Variants in ABCC5 observed in about 807,000 individuals in gnomAD.
The protein encoded by ABCC5 is ATP-binding cassette sub-family C member 5.
A neutral mutation model predicts 160.9 loss-of-function variants in ABCC5; 61 were observed. The observed-to-expected ratio is 0.38, with a 90% confidence interval of 0.31 to 0.47. The LOEUF (loss-of-function observed/expected upper bound fraction) is 0.47, where lower values mean the gene tolerates loss of function less well. Ranked by LOEUF, ABCC5 falls within the 20% of genes least tolerant of loss-of-function variation. The pLI is 0.99. For synonymous variants in ABCC5, 666 were observed against 700.6 expected, an observed-to-expected ratio of 0.95 and a Z score of 0.78; for missense variants, 1,308 against 1,813.3, an observed-to-expected ratio of 0.72 and a Z score of 5.06.
intron 9 of ABCC5, 105 bp from the exon 10 acceptor site, chr3:183,977,729 C>T (rs189496865): frequency 3.7e-5 from 27 of 720,372 alleles, no homozygotes; most frequent in Middle Eastern, 2.4e-4. Flanking sequence ...TGCAACTTCA[C>T]GGTCAGCTGT....
At chr3:183,992,758 C>T (rs566376101) in intron 2 of ABCC5, among the ~76,000 whole-genome samples, 1 of 151,478 alleles carries the variant, frequency 6.6e-6, no homozygotes, top group Non-Finnish European at 1.5e-5. Flanking sequence ...CACTGCACTC[C>T]GGCCTGAGCG....
chr3:183,994,999 G>A (rs1720146431), intron 2 of ABCC5, among the ~76,000 whole-genome samples: 1 of 151,370 alleles, frequency 6.6e-6, no homozygotes, highest in African/African-American at 2.4e-5. Flanking sequence ...CTACGGGCAC[G>A]TGCTACCACA....
intron 9 of ABCC5, 71 bp from the exon 10 acceptor site, chr3:183,977,695 T>C (rs1226948764): frequency 1.9e-6 from 2 of 1,058,284 alleles, no homozygotes; most frequent in Non-Finnish European, 2.8e-6. Flanking sequence ...ACACCATGAA[T>C]TTCCTCTCAG....
rs1412254092 is a variant in ABCC5 at position 184,017,259 on chromosome 3, G to A, written c.-56+571C>T. 1 of 152,298 alleles carries A rather than the reference G, an allele frequency of 6.6e-6. No homozygotes were observed. Among genetic ancestry groups the A allele is most frequent in the Non-Finnish European group, 1.5e-5 (1 of 68,110 alleles). 9.4% of individuals were successfully genotyped at this position (152,298 alleles called of 1,614,324 possible). The stretch of plus-strand genomic sequence containing the variant: ...ACTGGATGACCGTGGAGAGATCTGG[G>A]CTGCGTTCCCGGCACAGCCACGGCT... On this transcript the variant is annotated intron_variant, in intron 1 of 29. Coordinates refer to ENST00000334444, the MANE Select transcript of ABCC5 (RefSeq NM_005688.4). The surrounding 1 kb of genome is among the most constrained non-coding windows in gnomAD (Gnocchi z 4.5).
At chr3:183,956,850 A>G (rs1577522050) in intron 17 of ABCC5, among the ~76,000 whole-genome samples, 2 of 32,424 alleles carry the variant, frequency 6.2e-5, no homozygotes, top group Non-Finnish European at 1.0e-4. Flanking sequence ...GGTTACATGC[A>G]GATCCGTGTG....
At chr3:183,959,667 T>C (rs1470383197) in intron 17 of ABCC5, 66 bp downstream of exon 17, 4 of 1,187,072 alleles carry the variant, frequency 3.4e-6, no homozygotes, top group African/African-American at 1.5e-5. Context: ...CATGAATTAC[T>C]TACTACACAA....
At chr3:183,991,788 G>T (rs1438295020) in intron 2 of ABCC5, among the ~76,000 whole-genome samples, 2 of 152,178 alleles carry the variant, frequency 1.3e-5, no homozygotes, top group Non-Finnish European at 2.9e-5. Flanking sequence ...ATGAGCTGAG[G>T]ACTGCTGAGA....
chr3:183,966,910 C>T (rs538164189), intron 12 of ABCC5, among the ~76,000 whole-genome samples: 1 of 152,282 alleles, frequency 6.6e-6, no homozygotes, highest in African/African-American at 2.4e-5. Flanking sequence ...TTCAGTGGAC[C>T]TTATCCATCA....
intron 26 of ABCC5, among the ~76,000 whole-genome samples, chr3:183,929,083 A>C (rs1289927913): frequency 6.6e-6 from 1 of 152,204 alleles, no homozygotes; most frequent in Non-Finnish European, 1.5e-5. Context: ...ACAATTTATA[A>C]ATGCAAATAT....
chr3:183,993,198 T>C (rs1484125659), intron 2 of ABCC5, among the ~76,000 whole-genome samples: 3 of 152,132 alleles, frequency 2.0e-5, no homozygotes, highest in Admixed American at 6.6e-5. Context: ...GTGAAGGTAC[T>C]GCCGGGCTGG....
intron 11 of ABCC5, among the ~76,000 whole-genome samples, chr3:183,968,718 AC>A (rs1717458364): frequency 6.6e-6 from 1 of 152,094 alleles, no homozygotes; most frequent in Non-Finnish European, 1.5e-5. Flanking sequence ...CTTGTTTACA[AC>A]CCCGTGCCAG....
chr3:183,957,223 C>T lies in ABCC5; in HGVS notation c.2482+2510G>A, dbSNP rs573923990. 7.7e-5 allele frequency among the ~76,000 whole-genome samples: 9 copies of T among 116,954 alleles called. 1 individual carries two copies. Among genetic ancestry groups the T allele is most frequent in the African/African-American group, 2.8e-4 (9 of 32,436 alleles). The allele number at this position is 116,954 out of a possible 152,430, so 76.7% of individuals were successfully genotyped here. On this transcript the variant is annotated intron_variant, in intron 17 of 29. Transcript: ENST00000334444. The stretch of plus-strand genomic sequence containing the variant: ...ATGCTTATCCGTGTGTATATCACAT[C>T]GGTTACATGCAGATCCGTGTGTATA...
chr3:183,954,681 C>T (rs976326463), intron 17 of ABCC5, among the ~76,000 whole-genome samples: 2 of 152,142 alleles, frequency 1.3e-5, no homozygotes, highest in African/African-American at 4.8e-5. Context: ...AGATTCTTAA[C>T]ACTAATATGA....
chr3:184,016,615 C>T (rs550884173), intron 1 of ABCC5, among the ~76,000 whole-genome samples: 1 of 152,220 alleles, frequency 6.6e-6, no homozygotes, highest in East Asian at 1.9e-4. Flanking sequence ...GTTGGAATAT[C>T]TTTTTTAAAT....
chr3:183,984,346 A>G (rs1560032897), intron 5 of ABCC5: 1 of 985,872 alleles, frequency 1.0e-6, no homozygotes, highest in Non-Finnish European at 1.2e-6. Context: ...CTAAAGGAAG[A>G]AAAAAATTGA....
chr3:184,015,937 G>A (rs1576962006), intron 1 of ABCC5, among the ~76,000 whole-genome samples: 1 of 152,180 alleles, frequency 6.6e-6, no homozygotes, highest in Admixed American at 6.5e-5. Context: ...TCTGGAAGAG[G>A]AAAAGATTAG....
Position 183,978,627 on chromosome 3 carries a change from A to G in ABCC5, c.1172T>C (p.Ile391Thr), listed in dbSNP as rs762083848. The change falls in exon 9 of 30, where the codon ATA becomes ACA. Residue 391 changes from isoleucine (I) to threonine (T), a missense_variant. This residue lies in a region of ABCC5 where 1,142 missense variants were observed against 1,527.1 expected (regional missense o/e 0.75). Transcript: ENST00000334444. ...VQKIREEERR[I>T]LEKAGYFQSI... Reference sequence around the variant, plus strand: ...CTGGAAGTACCCAGCTTTTTCCAATATCCGACGCTCCTCCTCGCGGATTTC... The same window carrying G: ...CTGGAAGTACCCAGCTTTTTCCAATGTCCGACGCTCCTCCTCGCGGATTTC... 6.2e-7 allele frequency: 1 copy of G among 1,613,198 alleles called. No individual in the cohort carries two copies.
At chr3:183,954,984 G>C (rs943919578) in intron 17 of ABCC5, among the ~76,000 whole-genome samples, 1 of 152,296 alleles carries the variant, frequency 6.6e-6, no homozygotes, top group African/African-American at 2.4e-5. Flanking sequence ...GCAATTGGTT[G>C]AAAGGGTTAA....
intron 25 of ABCC5, 48 bp from the exon 26 acceptor site, chr3:183,938,108 T>C (rs1713924156): frequency 6.3e-7 from 1 of 1,593,368 alleles, no homozygotes; most frequent in African/African-American, 1.3e-5. Flanking sequence ...GCAAAGTCTG[T>C]GAGGACAATG....
Sources: gnomAD v4.1 joint callset for allele counts (sites outside exome capture counted in the v4.1 genomes callset) on GRCh38, gnomAD v4.1.1 for gene constraint, gnomAD v4.1.1 regional missense constraint, Gnocchi (gnomAD v3.1) non-coding constraint, MANE v1.5 for transcripts, NCBI Gene and HGNC (gene_info 2026-07-23, HGNC 2026-07-21) for gene names.